Variants in CDC42BPB observed in about 807,000 individuals in gnomAD.
The protein encoded by CDC42BPB is CDC42 binding protein kinase beta.
CDC42BPB carries 37 observed loss-of-function variants against 214.9 expected under a neutral mutation model. The observed-to-expected ratio is 0.17, with a 90% CI of 0.13 to 0.23. CDC42BPB has a LOEUF of 0.23. Among genes scored for constraint, CDC42BPB ranks in the 10% least tolerant of loss-of-function variants. The pLI, the probability that CDC42BPB is intolerant of heterozygous loss-of-function variation, is 1.00. For missense variants in CDC42BPB, 1,694 were observed against 2,227.0 expected, an observed-to-expected ratio of 0.76 and a Z score of 4.82; for synonymous variants, 931 against 884.0, an observed-to-expected ratio of 1.05 and a Z score of -0.94.
intron 4 of CDC42BPB, among the ~76,000 whole-genome samples, chr14:103,003,402 G>A (rs1026980142): frequency 1.3e-5 from 2 of 152,192 alleles, no homozygotes; most frequent in Middle Eastern, 3.2e-3. Context: ...TCACGAGGCT[G>A]GTCCATCTGT....
intron 1 of CDC42BPB, among the ~76,000 whole-genome samples, chr14:103,032,776 G>A (rs1036416127): frequency 1.3e-5 from 2 of 151,310 alleles, no homozygotes; most frequent in Non-Finnish European, 2.9e-5. Flanking sequence ...GGGATTACAG[G>A]CATGCAGCAC....
intron 14 of CDC42BPB, among the ~76,000 whole-genome samples, chr14:102,969,740 A>G (rs1481356765): frequency 6.6e-6 from 1 of 152,142 alleles, no homozygotes; most frequent in Non-Finnish European, 1.5e-5. Context: ...GTGGGCCCCG[A>G]CTGATGGCCA....
intron 21 of CDC42BPB, among the ~76,000 whole-genome samples, chr14:102,955,156 C>T (rs780803493): frequency 6.6e-5 from 10 of 152,250 alleles, no homozygotes; most frequent in Non-Finnish European, 1.2e-4. Flanking sequence ...GGCACGGTGG[C>T]TCACGCCTGT....
intron 1 of CDC42BPB, among the ~76,000 whole-genome samples, chr14:103,056,123 A>T (rs1379568981): frequency 6.6e-6 from 1 of 152,250 alleles, no homozygotes; most frequent in African/African-American, 2.4e-5. Flanking sequence ...GTCCTAAAAA[A>T]GCATAATAGG....
intron 1 of CDC42BPB, among the ~76,000 whole-genome samples, chr14:103,028,394 G>C (rs1469199884): frequency 6.6e-6 from 1 of 152,222 alleles, no homozygotes; most frequent in Non-Finnish European, 1.5e-5. Flanking sequence ...CAGTTTCCTT[G>C]TGGGTAAATT....
chr14:103,040,411 C>T (rs116345494), intron 1 of CDC42BPB, among the ~76,000 whole-genome samples: 5,165 of 151,932 alleles, frequency 0.034, 272 homozygotes, highest in African/African-American at 0.12. Context: ...AAAAAGAAAA[C>T]TAAACAACTC....
At chr14:103,042,045 G>A (rs998615825) in intron 1 of CDC42BPB, 3 of 203,216 alleles carry the variant, frequency 1.5e-5, no homozygotes, top group Admixed American at 5.4e-5. Flanking sequence ...TTGGCATACC[G>A]GCAAAGAGAC....
intron 7 of CDC42BPB, among the ~76,000 whole-genome samples, chr14:102,982,314 T>C (rs1234050195): frequency 1.3e-5 from 2 of 152,222 alleles, no homozygotes; most frequent in East Asian, 3.8e-4. Context: ...CCCGCTTCAG[T>C]GTTAATCTGC....
At chr14:102,997,753 A>G (rs1894806508) in intron 5 of CDC42BPB, among the ~76,000 whole-genome samples, 1 of 152,080 alleles carries the variant, frequency 6.6e-6, no homozygotes, top group Non-Finnish European at 1.5e-5. Flanking sequence ...GTAGTTCTCA[A>G]CTACAAGGCT....
At chr14:102,995,401 C>G (rs1208729710) in intron 5 of CDC42BPB, among the ~76,000 whole-genome samples, 1 of 152,212 alleles carries the variant, frequency 6.6e-6, no homozygotes, top group Non-Finnish European at 1.5e-5. Flanking sequence ...TCTCAAACTC[C>G]TGACCTCAGG....
At chr14:102,986,138 C>T (rs1008638793) in intron 6 of CDC42BPB, among the ~76,000 whole-genome samples, 10 of 152,182 alleles carry the variant, frequency 6.6e-5, no homozygotes, top group Non-Finnish European at 8.8e-5. Context: ...CCTGCCCACC[C>T]GACCAGCCTG....
intron 1 of CDC42BPB, among the ~76,000 whole-genome samples, chr14:103,022,181 A>G (rs1886811988): frequency 6.6e-6 from 1 of 152,166 alleles, no homozygotes; most frequent in Non-Finnish European, 1.5e-5. Flanking sequence ...AGAGAAAGCC[A>G]GGACTTCCAT....
At chr14:103,051,162 C>CGGGGGGGG (rs1888586443) in intron 1 of CDC42BPB, among the ~76,000 whole-genome samples, 9 of 46,328 alleles carry the variant, frequency 1.9e-4, no homozygotes, top group African/African-American at 8.3e-4. Flanking sequence ...GGCGGGGGGG[C>CGGGGGGGG]GGGAGATTAC....
At chr14:102,954,384 G>T in intron 22 of CDC42BPB, 109 bp from the exon 23 acceptor site, 1 of 1,443,340 alleles carries the variant, frequency 6.9e-7, no homozygotes, top group Non-Finnish European at 9.1e-7. Context: ...GAACAGTTCT[G>T]CATTTTTAAT....
intron 36 of CDC42BPB, chr14:102,936,869 T>G (rs1039432016): frequency 6.6e-6 from 1 of 152,188 alleles, no homozygotes; most frequent in African/African-American, 2.4e-5. Context: ...TAGTTTAAAG[T>G]AACTTTAAAG....
rs767751908 is a variant in CDC42BPB, at chr14:102,944,290, T to C, written c.4009A>G (p.Lys1337Glu). The stretch of plus-strand genomic sequence containing the variant: ...AACAGGCAGGTGCCAGAGTTCCTCT[T>C]GAGTGTGGCCGTGGCCATGAGCTGG... ...GCQLMATATL[K>E]RNSGTCLFVA... Residue 1337 changes from lysine (K) to glutamate (E), a missense_variant, in exon 30 of 37, where the codon AAG becomes GAG. Lys to Glu is a moderately conservative substitution (Grantham distance 56). Transcript: ENST00000361246. This position sits in a 1 kb window ranked among gnomAD's most constrained non-coding sequence, Gnocchi z 6.6. 15 of 1,613,102 alleles carry C rather than the reference T, an allele frequency of 9.3e-6. No homozygotes were observed. Among genetic ancestry groups the C allele is most frequent in the Non-Finnish European group, 1.3e-5 (15 of 1,180,014 alleles).
intron 1 of CDC42BPB, among the ~76,000 whole-genome samples, chr14:103,026,795 G>A (rs2139690181): frequency 1.3e-5 from 2 of 152,184 alleles, no homozygotes; most frequent in Middle Eastern, 6.8e-3. Flanking sequence ...GTGAACCCGG[G>A]AGGCGGAGCT....
intron 5 of CDC42BPB, among the ~76,000 whole-genome samples, chr14:102,988,766 A>G (rs1159542191): frequency 1.3e-5 from 2 of 152,098 alleles, no homozygotes; most frequent in African/African-American, 4.8e-5. Flanking sequence ...TGTGCCGTAT[A>G]TAAGAATAAA....
chr14:103,054,237 C>A (rs1888814499), intron 1 of CDC42BPB, among the ~76,000 whole-genome samples: 1 of 152,170 alleles, frequency 6.6e-6, no homozygotes, highest in South Asian at 2.1e-4. Context: ...CCCATTAAGC[C>A]TCCAAATCTG....
Sources: allele counts gnomAD v4.1 joint callset (sites outside exome capture counted in the v4.1 genomes callset), GRCh38; gene constraint gnomAD v4.1.1; non-coding constraint Gnocchi (gnomAD v3.1); transcripts MANE v1.5; gene names NCBI Gene and HGNC (gene_info 2026-07-23, HGNC 2026-07-21).